Variants in BCAT2 observed in about 807,000 individuals in gnomAD.
The protein encoded by BCAT2 is branched-chain-amino-acid aminotransferase, mitochondrial.
In BCAT2, 44 loss-of-function variants were observed where a neutral mutation model predicts 52.9. The ratio of observed to expected loss-of-function variants is 0.83; its 90% CI spans 0.65 to 1.07. The LOEUF is 1.07. BCAT2 is among the 50% of genes least tolerant of loss of function. BCAT2 has a pLI of 0.00. For missense variants in BCAT2, 478 were observed against 521.8 expected, an observed-to-expected ratio of 0.92 and a Z score of 0.82; for synonymous variants, 215 against 217.1, an observed-to-expected ratio of 0.99 and a Z score of 0.08.
At chr19:48,802,575 G>A (rs899448465) in intron 3 of BCAT2, among the ~76,000 whole-genome samples, 2 of 149,544 alleles carry the variant, frequency 1.3e-5, no homozygotes, top group Admixed American at 6.8e-5. Context: ...AGCCTCCCGA[G>A]TACCTGGGAT....
rs2034476898 is a variant in BCAT2 at position 48,795,317 on chromosome 19, C to T, written c.*109G>A. 2.0e-6 allele frequency: 3 copies of T among 1,466,584 alleles called. No individual in the cohort carries two copies. In the Admixed American group the frequency reaches 5.6e-5, roughly 27 times the overall value. 90.8% of individuals were successfully genotyped at this position (1,466,584 alleles called of 1,614,324 possible). A position where few individuals can be genotyped will look rare whatever the true frequency, so the allele number is the denominator to read the frequency against. On this transcript the variant is annotated 3_prime_UTR_variant, in exon 11 of 11. Transcript: ENST00000316273. Reference sequence around the variant, plus strand: ...GGGCGCCAGAGACCCAGACGCCGCCCGCTGGCCTTTTATTTCGTATTGCAC... The same window carrying T: ...GGGCGCCAGAGACCCAGACGCCGCCTGCTGGCCTTTTATTTCGTATTGCAC...
intron 1 of BCAT2, among the ~76,000 whole-genome samples, chr19:48,809,218 A>G (rs1353337948): frequency 6.6e-6 from 1 of 152,006 alleles, no homozygotes; most frequent in African/African-American, 2.4e-5. Context: ...GTGAGCCGAG[A>G]TCGTGCCACG....
At position 48,797,507 on chromosome 19, in the gene BCAT2, TG is replaced by T. The variant is rs2034553952; in HGVS notation, c.696-175del. On this transcript the variant is annotated intron_variant, in intron 6 of 10. Coordinates refer to ENST00000316273, the MANE Select transcript of BCAT2 (RefSeq NM_001190.4). Reference sequence around the variant, plus strand: ...TTTCATTTGGCATCAGGACCCTAAATGGTTATGTCCCCTCTCTCCTGTCTCT... The same window carrying T: ...TTTCATTTGGCATCAGGACCCTAAATGTTATGTCCCCTCTCTCCTGTCTCT... 1.8e-5 allele frequency: 13 copies of T among 704,068 alleles called. 1 individual carries two copies. The South Asian group carries it at 2.5e-4, about 13-fold the overall frequency. The allele number at this position is 704,068 out of a possible 1,614,324, so 43.6% of individuals were successfully genotyped here. A position where few individuals can be genotyped will look rare whatever the true frequency, so the allele number is the denominator to read the frequency against.
At chr19:48,803,431 C>T (rs563035994) in intron 3 of BCAT2, among the ~76,000 whole-genome samples, 6 of 151,518 alleles carry the variant, frequency 4.0e-5, no homozygotes, top group Admixed American at 1.3e-4. Flanking sequence ...GGAAGGCTGA[C>T]GCAGGTGGAT....
intron 6 of BCAT2, among the ~76,000 whole-genome samples, chr19:48,798,375 C>T (rs1385683173): frequency 6.6e-6 from 1 of 152,220 alleles, no homozygotes; most frequent in Non-Finnish European, 1.5e-5. Flanking sequence ...CCATGGCTCC[C>T]CAGTGCCCCA....
intron 3 of BCAT2, among the ~76,000 whole-genome samples, chr19:48,805,217 T>C (rs892915600): frequency 6.6e-6 from 1 of 152,108 alleles, no homozygotes. Context: ...TAAAACCAAA[T>C]GCCTCCTGGA....
At chr19:48,800,141 C>T in intron 4 of BCAT2, 41 bp from the exon 5 acceptor site, 1 of 1,612,664 alleles carries the variant, frequency 6.2e-7, no homozygotes, top group Non-Finnish European at 8.5e-7. Flanking sequence ...CCTTGCTGCC[C>T]CGGCCCCAGC....
chr19:48,804,418 C>T (rs1211236277), intron 3 of BCAT2, among the ~76,000 whole-genome samples: 2 of 148,038 alleles, frequency 1.4e-5, no homozygotes, highest in South Asian at 4.3e-4. Context: ...GTGGCGGGCG[C>T]CTGTAATCCC....
intron 3 of BCAT2, among the ~76,000 whole-genome samples, chr19:48,801,237 CTTTT>C (rs71335820): frequency 6.9e-6 from 1 of 144,596 alleles, no homozygotes; most frequent in African/African-American, 2.5e-5. Context: ...CCCAGCCAGA[CTTTT>C]TTTTTTTTTC....
intron 6 of BCAT2, among the ~76,000 whole-genome samples, chr19:48,797,798 CT>C (rs1177001240): frequency 7.7e-6 from 1 of 129,116 alleles, no homozygotes; most frequent in Non-Finnish European, 1.7e-5. Context: ...AAAACCATTT[CT>C]TTTTTTCTTT....
chr19:48,799,382 G>T lies in BCAT2; in HGVS notation c.695+293C>A, dbSNP rs1262460597. ...GGGGCGAGAAGCCAATGAGCTGAGT[G>T]TAAGCTTCACTCCTGGAGGCTTCCA... On this transcript the variant is annotated intron_variant, in intron 6 of 10. Coordinates refer to ENST00000316273, the MANE Select transcript of BCAT2 (RefSeq NM_001190.4). This position sits in a 1 kb window ranked among gnomAD's most constrained non-coding sequence, Gnocchi z 5.5. 4 of 353,314 alleles carry T rather than the reference G, an allele frequency of 1.1e-5. No individual in the cohort carries two copies. The highest frequency in any genetic ancestry group is 8.5e-5 in the African/African-American group (4 of 47,060). 21.9% of individuals were successfully genotyped at this position (353,314 alleles called of 1,614,324 possible). A position where few individuals can be genotyped will look rare whatever the true frequency, so the allele number is the denominator to read the frequency against.
chr19:48,797,075 C>T (rs955569974), intron 7 of BCAT2, 53 bp from the exon 8 acceptor site: 283 of 1,611,184 alleles, frequency 1.8e-4, no homozygotes, highest in East Asian at 1.1e-4. Flanking sequence ...CTAGCACCGC[C>T]GTCTTAAGAG....
Position 48,796,893 on chromosome 19 carries a change from C to T in BCAT2, c.924+44G>A, listed in dbSNP as rs201227697. On this transcript the variant is annotated intron_variant, in intron 8 of 10. Transcript: ENST00000316273. ...AGTCCCAGCCCTCTGATGCCCTGGCCCCTGGCACATGGCGCCCATCACCAG... is the reference window on the plus strand; with the variant it reads ...AGTCCCAGCCCTCTGATGCCCTGGCTCCTGGCACATGGCGCCCATCACCAG... The T allele has an allele frequency of 1.0e-4, 162 of 1,609,388 alleles. 1 individual carries two copies. The African/African-American group carries it at 1.9e-3, about 19-fold the overall frequency.
Position 48,806,869 on chromosome 19 carries a change from G to A in BCAT2, c.99+131C>T, listed in dbSNP as rs1045293549. On this transcript the variant is annotated intron_variant, in intron 2 of 10. Transcript: ENST00000316273. The stretch of plus-strand genomic sequence containing the variant: ...ACATGCAGTTTCATCCCTTGTCTGC[G>A]GCCCAATGGCAGGCTGTTAAGCTAC... The A allele has an allele frequency of 7.0e-5, 96 of 1,380,876 alleles. 1 individual carries two copies. Among genetic ancestry groups the A allele is most frequent in the Middle Eastern group, 3.5e-4 (2 of 5,648 alleles). 85.5% of individuals were successfully genotyped at this position (1,380,876 alleles called of 1,614,324 possible).
In BCAT2 at chr19:48,796,500, G is replaced by A. The variant is rs1334175229; in HGVS notation, c.1068C>T (p.Asn356=). 6.2e-7 allele frequency: 1 copy of A among 1,613,270 alleles called. No homozygotes were observed. The highest frequency in any genetic ancestry group is 8.5e-7 in the Non-Finnish European group (1 of 1,179,846). ...CATTTTCCATGGTGGGAATGTGGAG[G>A]TTCTGGGACAGAAGGTGCGGTGAGG... The part of the protein sequence containing the change: ...PVHRILYKDR[N]LHIPTMENGP... The change falls in exon 10 of 11, where the codon AAC becomes AAT. Residue 356 remains asparagine, a splice_region_variant and synonymous_variant. Coordinates refer to ENST00000316273, the MANE Select transcript of BCAT2 (RefSeq NM_001190.4).
rs1568505297 is a variant in BCAT2 at position 48,797,174 on chromosome 19, GTCA to G, written c.838+14_838+16del. On this transcript the variant is annotated intron_variant, in intron 7 of 10. Coordinates refer to ENST00000316273, the MANE Select transcript of BCAT2 (RefSeq NM_001190.4). Reference sequence around the variant, plus strand: ...CCACTTCCACCAGGGTTCGGGCTGGGTCATGGGTGGGCTTACCCCCATCTTCGT... The same window carrying G: ...CCACTTCCACCAGGGTTCGGGCTGGGTGGGTGGGCTTACCCCCATCTTCGT... 1 of 1,613,134 alleles carries G rather than the reference GTCA, an allele frequency of 6.2e-7. No homozygotes were observed. Among genetic ancestry groups the G allele is most frequent in the East Asian group, 2.2e-5 (1 of 44,848 alleles).
Position 48,799,592 on chromosome 19 carries a change from G to A in BCAT2, c.695+83C>T. On this transcript the variant is annotated intron_variant, in intron 6 of 10. Coordinates refer to ENST00000316273, the MANE Select transcript of BCAT2 (RefSeq NM_001190.4). The surrounding 1 kb of genome is among the most constrained non-coding windows in gnomAD (Gnocchi z 5.5). ...TGTCACCTTCATGTGACATCCAGAGGCATGGCCGAAAGCACGCACGCTGGT... is the reference window on the plus strand; with the variant it reads ...TGTCACCTTCATGTGACATCCAGAGACATGGCCGAAAGCACGCACGCTGGT... 1 of 1,435,634 alleles carries A rather than the reference G, an allele frequency of 7.0e-7. No individual in the cohort carries two copies. 88.9% of individuals were successfully genotyped at this position (1,435,634 alleles called of 1,614,324 possible).
intron 3 of BCAT2, among the ~76,000 whole-genome samples, chr19:48,804,156 C>CACAAATAA (rs112822237): frequency 6.6e-6 from 1 of 151,022 alleles, no homozygotes; most frequent in African/African-American, 2.4e-5. Context: ...AACTCTATCT[C>CACAAATAA]ATAAATAAAT....
intron 1 of BCAT2, 135 bp downstream of exon 1, chr19:48,810,849 T>A: frequency 2.0e-6 from 3 of 1,467,226 alleles, no homozygotes; most frequent in Non-Finnish European, 1.8e-6. Flanking sequence ...GGCGCCATCC[T>A]CCTCCGCGCC....
Sources: allele counts gnomAD v4.1 joint callset (sites outside exome capture counted in the v4.1 genomes callset), GRCh38; gene constraint gnomAD v4.1.1; non-coding constraint Gnocchi (gnomAD v3.1); transcripts MANE v1.5; gene names NCBI Gene and HGNC (gene_info 2026-07-23, HGNC 2026-07-21).